DDX10: variants seen among roughly 807,000 people sequenced by gnomAD.
DDX10 encodes the protein probable ATP-dependent RNA helicase DDX10.
In DDX10, 74 loss-of-function variants were observed where a neutral mutation model predicts 104.3. The observed-to-expected ratio is 0.71, with a 90% CI of 0.59 to 0.86. The LOEUF (loss-of-function observed/expected upper bound fraction) is 0.86. DDX10 is among the 40% of genes least tolerant of loss of function. The pLI, the probability that DDX10 is intolerant of heterozygous loss-of-function variation, is 0.00. For synonymous variants in DDX10, 351 were observed against 353.4 expected, an observed-to-expected ratio of 0.99 and a Z score of 0.08; for missense variants, 952 against 1,040.0, an observed-to-expected ratio of 0.92 and a Z score of 1.16.
At chr11:108,764,162 A>G (rs74506748) in intron 13 of DDX10, among the ~76,000 whole-genome samples, 3,015 of 152,170 alleles carry the variant, frequency 0.02, 108 homozygotes, top group African/African-American at 0.069. Flanking sequence ...ATTTTATTTT[A>G]TTTTTTTAAA....
chr11:108,689,646 G>A (rs998859755), intron 7 of DDX10, among the ~76,000 whole-genome samples: 5 of 152,166 alleles, frequency 3.3e-5, no homozygotes, highest in Non-Finnish European at 7.3e-5. Context: ...TAGGAATAAA[G>A]AATAAGGATT....
intron 1 of DDX10, among the ~76,000 whole-genome samples, chr11:108,666,923 T>C (rs2094210883): frequency 6.6e-6 from 1 of 152,198 alleles, no homozygotes; most frequent in South Asian, 2.1e-4. Flanking sequence ...AGCTCCACCA[T>C]CTCAGCAGAC....
intron 9 of DDX10, among the ~76,000 whole-genome samples, chr11:108,700,986 G>A (rs745616850): frequency 6.6e-6 from 1 of 151,660 alleles, no homozygotes; most frequent in Non-Finnish European, 1.5e-5. Flanking sequence ...CATGCAATAC[G>A]TATTAGCCAG....
At chr11:108,760,783 A>C (rs994299172) in intron 13 of DDX10, among the ~76,000 whole-genome samples, 1 of 151,806 alleles carries the variant, frequency 6.6e-6, no homozygotes, top group Admixed American at 6.6e-5. Flanking sequence ...CTGTTGAAGT[A>C]AAAGCCTAGA....
chr11:108,806,047 C>T (rs1448323859), intron 13 of DDX10, among the ~76,000 whole-genome samples: 3 of 152,004 alleles, frequency 2.0e-5, no homozygotes, highest in Admixed American at 6.5e-5. Context: ...CTGCAACCTA[C>T]GCCTCCTGGG....
rs1202358895 is a variant in DDX10, at chr11:108,852,149, C to T, written c.2248-4C>T. On this transcript the variant is annotated splice_polypyrimidine_tract_variant and splice_region_variant and intron_variant, in intron 15 of 17. Transcript: ENST00000322536. Reference sequence around the variant, plus strand: ...CTAATTTTTCTCCTCTTCCTTGTCTCCAGGAGAAAAGACTGAAAGAAAGGG... The same window carrying T: ...CTAATTTTTCTCCTCTTCCTTGTCTTCAGGAGAAAAGACTGAAAGAAAGGG... 5 of 1,608,802 alleles carry T rather than the reference C, an allele frequency of 3.1e-6. No individual in the cohort carries two copies. The South Asian group carries it at 4.4e-5, about 14-fold the overall frequency.
chr11:108,913,168 C>T lies in DDX10; in HGVS notation c.2305-4705C>T, dbSNP rs145312133. On this transcript the variant is annotated intron_variant, in intron 16 of 17. Coordinates refer to ENST00000322536, the MANE Select transcript of DDX10 (RefSeq NM_004398.4). ...AGCCTCAGGAGGTCCTGAGGACATGCGCCCAAGGTGGTCGGGGCACAGCTT... is the reference window on the plus strand; with the variant it reads ...AGCCTCAGGAGGTCCTGAGGACATGTGCCCAAGGTGGTCGGGGCACAGCTT... Among the ~76,000 whole-genome samples, 1,171 of 152,230 alleles carry T rather than the reference C, an allele frequency of 7.7e-3. 4 individuals carry two copies. Among genetic ancestry groups the T allele is most frequent in the Non-Finnish European group, 0.012 (795 of 68,000 alleles).
intron 10 of DDX10, among the ~76,000 whole-genome samples, chr11:108,712,746 A>G (rs566229511): frequency 6.6e-6 from 1 of 152,016 alleles, no homozygotes; most frequent in Non-Finnish European, 1.5e-5. Context: ...TTATTTTACC[A>G]TCATTTATTC....
chr11:108,922,243 C>CAAAAAAAAAAAAAAAAAAAAAAAA (rs3030537), intron 17 of DDX10: 7 of 79,352 alleles, frequency 8.8e-5, no homozygotes, highest in African/African-American at 2.7e-4. Flanking sequence ...GACTCCATCT[C>CAAAAAAAAAAAAAAAAAAAAAAAA]AAAAAAAAAA....
intron 13 of DDX10, among the ~76,000 whole-genome samples, chr11:108,780,872 C>T (rs1325262926): frequency 6.6e-6 from 1 of 152,112 alleles, no homozygotes; most frequent in Non-Finnish European, 1.5e-5. Context: ...AGCTGATTCA[C>T]TTATAAACAA....
At chr11:108,880,497 C>T (rs1350468646) in intron 16 of DDX10, among the ~76,000 whole-genome samples, 3 of 152,008 alleles carry the variant, frequency 2.0e-5, no homozygotes, top group African/African-American at 7.3e-5. Flanking sequence ...CTCTGAAGGG[C>T]CCACTTTCTA....
chr11:108,669,255 G>A (rs1716630447), intron 1 of DDX10, among the ~76,000 whole-genome samples: 2 of 152,046 alleles, frequency 1.3e-5, no homozygotes, highest in Non-Finnish European at 2.9e-5. Context: ...CACCAGGCCT[G>A]GCTAATTTTT....
intron 13 of DDX10, among the ~76,000 whole-genome samples, chr11:108,758,676 G>A (rs767953574): frequency 1.3e-5 from 2 of 151,954 alleles, no homozygotes; most frequent in Non-Finnish European, 2.9e-5. Context: ...ACAACAGTGG[G>A]TCAAGTGCCA....
chr11:108,938,447 C>T (rs141859550), intron 17 of DDX10, among the ~76,000 whole-genome samples: 2 of 152,324 alleles, frequency 1.3e-5, no homozygotes, highest in Non-Finnish European at 2.9e-5. Flanking sequence ...GATGAGCTGA[C>T]CTGAGATGCA....
chr11:108,899,797 C>T (rs1280346494), intron 16 of DDX10, among the ~76,000 whole-genome samples: 8 of 152,076 alleles, frequency 5.3e-5, no homozygotes, highest in Admixed American at 5.2e-4. Flanking sequence ...AGTGAGTTCT[C>T]ATGAGACCTG....
chr11:108,823,729 T>G (rs2134580013), intron 13 of DDX10, among the ~76,000 whole-genome samples: 1 of 152,354 alleles, frequency 6.6e-6, no homozygotes, highest in East Asian at 1.9e-4. Context: ...GTTTAGACTT[T>G]AATCATGAAT....
chr11:108,673,341 A>C, intron 1 of DDX10, 126 bp from the exon 2 acceptor site: 1 of 666,264 alleles, frequency 1.5e-6, no homozygotes, highest in South Asian at 1.7e-5. Flanking sequence ...GATGGCTTTT[A>C]ATTAGAAGCG....
chr11:108,794,811 T>C (rs1263001608), intron 13 of DDX10, among the ~76,000 whole-genome samples: 1 of 152,022 alleles, frequency 6.6e-6, no homozygotes, highest in Admixed American at 6.6e-5. Context: ...TGTTCCCCTA[T>C]AGTTTTTTCT....
intron 9 of DDX10, among the ~76,000 whole-genome samples, chr11:108,696,560 T>C (rs1369015309): frequency 6.6e-6 from 1 of 152,188 alleles, no homozygotes; most frequent in Non-Finnish European, 1.5e-5. Context: ...TCCACTGTTA[T>C]TCTCCTCAGT....
Sources: gnomAD v4.1 joint callset for allele counts (sites outside exome capture counted in the v4.1 genomes callset) on GRCh38, gnomAD v4.1.1 for gene constraint, MANE v1.5 for transcripts, NCBI Gene and HGNC (gene_info 2026-07-23, HGNC 2026-07-21) for gene names.